COL6A3: variants seen among roughly 807,000 people sequenced by gnomAD.
COL6A3 encodes collagen alpha-3(VI) chain.
In COL6A3, 137 loss-of-function variants were observed where a neutral mutation model predicts 274.1. The observed-to-expected ratio is 0.50, with a 90% CI of 0.44 to 0.58. The LOEUF (loss-of-function observed/expected upper bound fraction) is 0.58. COL6A3 is among the 20% of genes least tolerant of loss of function. COL6A3 has a pLI of 0.00. For missense variants in COL6A3, 3,950 were observed against 4,124.9 expected, an observed-to-expected ratio of 0.96 and a Z score of 1.16; for synonymous variants, 1,650 against 1,650.6, an observed-to-expected ratio of 1.00 and a Z score of 0.01.
intron 1 of COL6A3, among the ~76,000 whole-genome samples, chr2:237,403,919 C>T (rs1007362044): frequency 6.6e-6 from 1 of 151,906 alleles, no homozygotes; most frequent in Admixed American, 6.6e-5. Context: ...CCAAGCTCTA[C>T]CTTTCTTCCC....
Position 237,324,108 on chromosome 2 carries a change from AC to A in COL6A3, c.*665del, listed in dbSNP as rs200357374. The stretch of plus-strand genomic sequence containing the variant: ...ATTAAATCCCCTCCCTCCAGCACAC[AC>A]AAAAAAAAAACACACAACATTAGAG... On this transcript the variant is annotated 3_prime_UTR_variant, in exon 44 of 44. Transcript: ENST00000295550. 0.011 allele frequency: 1,555 copies of A among 141,722 alleles called. 18 individuals carry two copies. The highest frequency in any genetic ancestry group is 0.017 in the African/African-American group (591 of 34,306). 8.8% of individuals were successfully genotyped at this position (141,722 alleles called of 1,614,324 possible).
intron 42 of COL6A3, among the ~76,000 whole-genome samples, chr2:237,332,117 A>ATGTG (rs749883512): frequency 6.2e-5 from 4 of 64,170 alleles, no homozygotes; most frequent in African/African-American, 1.9e-4. Flanking sequence ...ATATATATAT[A>ATGTG]TGAAAAGAAA....
intron 1 of COL6A3, among the ~76,000 whole-genome samples, chr2:237,397,907 C>T (rs1265693748): frequency 5.9e-5 from 9 of 152,178 alleles, no homozygotes; most frequent in Admixed American, 5.9e-4. Flanking sequence ...GTGATGTACG[C>T]AGCAATTTGG....
At chr2:237,339,244 T>C (rs1270204011) in intron 38 of COL6A3, 127 bp from the exon 39 acceptor site, 2 of 719,988 alleles carry the variant, frequency 2.8e-6, no homozygotes, top group Non-Finnish European at 4.8e-6. Context: ...TTGAATTAAC[T>C]ATATCAGACA....
In COL6A3 at chr2:237,368,928, G is replaced by A. The variant is rs1370846981; in HGVS notation, c.4535C>T (p.Ser1512Phe). The change falls in exon 10 of 44, where the codon TCC becomes TTC. Residue 1512 changes from serine to phenylalanine, a missense_variant. Physicochemically the swap from Ser to Phe is radical, Grantham distance 155. This residue lies in a region of COL6A3 where 1,934 missense variants were observed against 1,984.3 expected (regional missense o/e 0.97). Coordinates refer to ENST00000295550, the MANE Select transcript of COL6A3 (RefSeq NM_004369.4). This position sits in a 1 kb window ranked among gnomAD's most constrained non-coding sequence, Gnocchi z 4.4. ...GAGAGCCTTGCCAGTGTTCAGTGGG[G>A]ACCCCCCTCTGAGCCTCAGGCGCCG... ...AIRRLRLRGG[S>F]PLNTGKALEF... 1 of 1,614,134 alleles carries A rather than the reference G, an allele frequency of 6.2e-7. No individual in the cohort carries two copies. The highest frequency in any genetic ancestry group is 8.5e-7 in the Non-Finnish European group (1 of 1,180,010).
rs1456157900 is a variant in COL6A3, at chr2:237,377,256, A to G, written c.2586T>C (p.Ile862=). 1 of 1,610,330 alleles carries G rather than the reference A, an allele frequency of 6.2e-7. No homozygotes were observed. The change falls in exon 7 of 44, where the codon ATT becomes ATC. Residue 862 remains isoleucine (I), a synonymous_variant. Coordinates refer to ENST00000295550, the MANE Select transcript of COL6A3 (RefSeq NM_004369.4). ...CTGGCTTCACATTGAGCTCATCGAT[A>G]ATCTTGTAGAGAAAGTCACGGACAA... is the stretch of plus-strand genomic sequence containing the variant. ...FPVVRDFLYK[I]IDELNVKPEG...
chr2:237,357,312 C>A lies in COL6A3; in HGVS notation c.6591+26G>T, dbSNP rs753858332. 3.7e-6 allele frequency: 6 copies of A among 1,608,378 alleles called. No individual in the cohort carries two copies. The South Asian group carries it at 5.5e-5, about 15-fold the overall frequency. ...TATGGCACTAAGAATTGTCACAGAGCCCCCCAAAGCCCTAATGGCACTCAC... is the reference window on the plus strand; with the variant it reads ...TATGGCACTAAGAATTGTCACAGAGACCCCCAAAGCCCTAATGGCACTCAC... On this transcript the variant is annotated intron_variant, in intron 23 of 43. Transcript: ENST00000295550.
chr2:237,369,050 A>C lies in COL6A3; in HGVS notation c.4413T>G (p.Ser1471Arg), dbSNP rs772068886. The C allele has an allele frequency of 6.2e-7, 1 of 1,614,142 alleles. No individual in the cohort carries two copies. ...ACTGCACGACCCCAACTCTCACTTT[A>C]CTGGGGCCGATGTTGAGTCTTCGAA... The part of the protein sequence containing the change: ...RIVRRLNIGP[S>R]KVRVGVVQFS... Residue 1471 changes from serine (S) to arginine (R), a missense_variant, in exon 10 of 44, where the codon AGT becomes AGG. Ser to Arg is a moderately radical substitution (Grantham distance 110). This residue lies in a region of COL6A3 where 1,934 missense variants were observed against 1,984.3 expected (regional missense o/e 0.97). Transcript: ENST00000295550.
At chr2:237,352,868 A>G (rs1373832800) in intron 25 of COL6A3, among the ~76,000 whole-genome samples, 1 of 152,246 alleles carries the variant, frequency 6.6e-6, no homozygotes, top group Admixed American at 6.5e-5. Context: ...GAAGATGGCA[A>G]CAACCTAAAT....
At chr2:237,385,069 C>T (rs1380064166) in intron 4 of COL6A3, among the ~76,000 whole-genome samples, 1 of 152,184 alleles carries the variant, frequency 6.6e-6, no homozygotes, top group African/African-American at 2.4e-5. Context: ...TTCTCAGGGC[C>T]TTCCATCCAC....
At chr2:237,372,731 G>GT (rs2077725961) in intron 8 of COL6A3, among the ~76,000 whole-genome samples, 1 of 152,232 alleles carries the variant, frequency 6.6e-6, no homozygotes, top group African/African-American at 2.4e-5. Context: ...GAATGACAAA[G>GT]TAGGGTGGGC....
At chr2:237,339,834 T>G (rs2076945602) in intron 38 of COL6A3, among the ~76,000 whole-genome samples, 1 of 152,064 alleles carries the variant, frequency 6.6e-6, no homozygotes, top group Non-Finnish European at 1.5e-5. Flanking sequence ...ACAGGCCAGG[T>G]AATAGATGCC....
At chr2:237,348,123 A>G (rs767426002) in intron 30 of COL6A3, among the ~76,000 whole-genome samples, 1 of 152,232 alleles carries the variant, frequency 6.6e-6, no homozygotes, top group Non-Finnish European at 1.5e-5. Flanking sequence ...CTTTGATTGC[A>G]GCATATTTTA....
At chr2:237,328,425 G>A (rs140592540) in intron 42 of COL6A3, 1 of 152,284 alleles carries the variant, frequency 6.6e-6, no homozygotes, top group East Asian at 1.9e-4. Flanking sequence ...GTCCATTTTT[G>A]TAATAATGAT....
intron 1 of COL6A3, among the ~76,000 whole-genome samples, 200 bp from the exon 2 acceptor site, chr2:237,397,047 A>ATAGATAGG (rs2078462329): frequency 6.6e-6 from 1 of 151,802 alleles, no homozygotes; most frequent in Non-Finnish European, 1.5e-5. Flanking sequence ...AGATAGATAG[A>ATAGATAGG]TAGATAGATA....
At chr2:237,349,018 A>G (rs986072801) in intron 28 of COL6A3, among the ~76,000 whole-genome samples, 3 of 152,212 alleles carry the variant, frequency 2.0e-5, no homozygotes, top group Non-Finnish European at 4.4e-5. Flanking sequence ...CTTTGATTCT[A>G]TGCATCCGTA....
intron 14 of COL6A3, among the ~76,000 whole-genome samples, chr2:237,362,807 G>A (rs1574981700): frequency 6.6e-6 from 1 of 152,162 alleles, no homozygotes; most frequent in South Asian, 2.1e-4. Context: ...TTGACACAGA[G>A]GGAAACTAGG....
intron 3 of COL6A3, among the ~76,000 whole-genome samples, chr2:237,388,967 A>G (rs996309811): frequency 2.6e-4 from 40 of 152,218 alleles, no homozygotes; most frequent in Non-Finnish European, 5.1e-4. Flanking sequence ...CACTTAATGC[A>G]GAACAATGTT....
At chr2:237,324,835 TG>T (rs1559179895) in intron 43 of COL6A3, 21 bp from the exon 44 acceptor site, 2 of 1,611,220 alleles carry the variant, frequency 1.2e-6, no homozygotes, top group East Asian at 4.5e-5. Context: ...AGAGAGGGGG[TG>T]GGTGGGGTGA....
Sources: gnomAD v4.1 joint callset for allele counts (sites outside exome capture counted in the v4.1 genomes callset) on GRCh38, gnomAD v4.1.1 for gene constraint, gnomAD v4.1.1 regional missense constraint, Gnocchi (gnomAD v3.1) non-coding constraint, MANE v1.5 for transcripts, NCBI Gene and HGNC (gene_info 2026-07-23, HGNC 2026-07-21) for gene names.